Variants in FXYD7 observed in about 807,000 individuals in gnomAD.
FXYD7 encodes the protein FXYD domain containing ion transport regulator 7.
In FXYD7, 7 loss-of-function variants were observed where a neutral mutation model predicts 15.3. The ratio of observed to expected loss-of-function variants is 0.46; its 90% confidence interval spans 0.26 to 0.86. FXYD7 has a LOEUF of 0.86. Ranked by LOEUF, FXYD7 falls within the 40% of genes least tolerant of loss-of-function variation. FXYD7 has a pLI of 0.16. For synonymous variants in FXYD7, 39 were observed against 39.3 expected (o/e 0.99, Z 0.03); for missense variants, 78 against 100.6 (o/e 0.78, Z 0.96).
chr19:35,145,071 C>T (rs1197566255), intron 1 of FXYD7, among the ~76,000 whole-genome samples: 1 of 152,040 alleles, frequency 6.6e-6, no homozygotes, highest in African/African-American at 2.4e-5. Context: ...CTTAGCTTGG[C>T]CAGAAGCCAG....
chr19:35,148,792 C>T, intron 2 of FXYD7, 69 bp downstream of exon 2: 2 of 1,375,672 alleles, frequency 1.5e-6, no homozygotes, highest in Non-Finnish European at 2.1e-6. Context: ...TCACTCCGGA[C>T]ATGGCTTCAG....
chr19:35,147,437 T>C (rs1600491537), intron 1 of FXYD7, among the ~76,000 whole-genome samples: 1 of 152,262 alleles, frequency 6.6e-6, no homozygotes, highest in Non-Finnish European at 1.5e-5. Flanking sequence ...CAGGATGAAC[T>C]TGTTGAATGG....
At chr19:35,150,298 G>A (rs1014549538) in intron 2 of FXYD7, among the ~76,000 whole-genome samples, 1 of 152,244 alleles carries the variant, frequency 6.6e-6, no homozygotes, top group Middle Eastern at 3.4e-3. Flanking sequence ...TTGGGAGGCT[G>A]AGCAGGGACA....
At position 35,143,468 on chromosome 19, in the gene FXYD7, G is replaced by C. The variant is rs901831533; in HGVS notation, c.31+104G>C. ...AGCAATGGTAAGGCAAGGGAGTTGG[G>C]GGAGGGAGGTCCGCTCCTCCTGTGG... On this transcript the variant is annotated intron_variant, in intron 1 of 5. Transcript: ENST00000270310. The surrounding 1 kb of genome is among the most constrained non-coding windows in gnomAD (Gnocchi z 4.3). 26 of 903,206 alleles carry C rather than the reference G, an allele frequency of 2.9e-5. No individual in the cohort carries two copies. Among genetic ancestry groups the C allele is most frequent in the Non-Finnish European group, 3.8e-5 (24 of 636,150 alleles). 55.9% of individuals were successfully genotyped at this position (903,206 alleles called of 1,614,324 possible).
At position 35,148,027 on chromosome 19, in the gene FXYD7, GAAAGAAAGAAAGAAAGA is replaced by G. The variant is rs2065294975; in HGVS notation, c.32-664_32-648del. 1.6e-3 allele frequency among the ~76,000 whole-genome samples: 7 copies of G among 4,272 alleles called. No individual in the cohort carries two copies. The Admixed American group carries it at 0.027, about 16-fold the overall frequency. The allele number at this position is 4,272 out of a possible 152,430, so 2.8% of individuals were successfully genotyped here. ...AAGAAGGAAAGAAAGAAGAAAGAAG[GAAAGAAAGAAAGAAAGA>G]AAGAAAGAAAGAAAGAAAGAAAGAA... On this transcript the variant is annotated intron_variant, in intron 1 of 5. Coordinates refer to ENST00000270310, the MANE Select transcript of FXYD7 (RefSeq NM_022006.2).
intron 1 of FXYD7, among the ~76,000 whole-genome samples, chr19:35,147,117 C>T (rs1278202345): frequency 1.3e-5 from 2 of 152,204 alleles, no homozygotes; most frequent in African/African-American, 4.8e-5. Flanking sequence ...AACATTCAGG[C>T]CACCAGGCTA....
At chr19:35,151,149 C>T (rs1192904578) in intron 2 of FXYD7, 105 bp from the exon 3 acceptor site, 1 of 792,314 alleles carries the variant, frequency 1.3e-6, no homozygotes, top group African/African-American at 1.7e-5. Context: ...CACAGCCTCC[C>T]TGGGCGATTC....
At position 35,143,308 on chromosome 19, in the gene FXYD7, C is replaced by T; in HGVS notation, c.-26C>T. ...CAGCGCGCCTTCGCCGCCAAAGCAT[C>T]CAGCAGCCCCCTGCTCCGGCCCAGC... On this transcript the variant is annotated 5_prime_UTR_variant, in exon 1 of 6. Transcript: ENST00000270310. The surrounding 1 kb of genome is among the most constrained non-coding windows in gnomAD (Gnocchi z 4.3). The T allele has an allele frequency of 1.3e-6, 2 of 1,537,320 alleles. No individual in the cohort carries two copies. Among genetic ancestry groups the T allele is most frequent in the Non-Finnish European group, 1.8e-6 (2 of 1,141,180 alleles).
In FXYD7 at chr19:35,145,921, G is replaced by C. The variant is rs1410445625; in HGVS notation, c.31+2557G>C. Among the ~76,000 whole-genome samples, 3 of 152,006 alleles carry C rather than the reference G, an allele frequency of 2.0e-5. No homozygotes were observed. The East Asian group carries it at 5.8e-4, about 29-fold the overall frequency. On this transcript the variant is annotated intron_variant, in intron 1 of 5. Coordinates refer to ENST00000270310, the MANE Select transcript of FXYD7 (RefSeq NM_022006.2). Reference sequence around the variant, plus strand: ...GCCTCCCAAGTAGCTGGGACTACAAGGCACTTCTGCTACACCCAGCTAATT... The same window carrying C: ...GCCTCCCAAGTAGCTGGGACTACAACGCACTTCTGCTACACCCAGCTAATT...
intron 3 of FXYD7, 49 bp from the exon 4 acceptor site, chr19:35,151,391 T>G (rs748991074): frequency 4.4e-6 from 7 of 1,608,230 alleles, no homozygotes; most frequent in Non-Finnish European, 6.0e-6. Context: ...TTCATCCATA[T>G]CCTACCCGCT....
At chr19:35,152,771 G>A (rs2065316397) in intron 5 of FXYD7, among the ~76,000 whole-genome samples, 1 of 151,668 alleles carries the variant, frequency 6.6e-6, no homozygotes, top group African/African-American at 2.4e-5. Context: ...AAGGGAGAGC[G>A]AGAGGGATGC....
intron 1 of FXYD7, among the ~76,000 whole-genome samples, chr19:35,148,026 G>GGAAAGAAAGAAAGAAAGAAAGAAA (rs59209064): frequency 6.0e-4 from 53 of 88,556 alleles, no homozygotes; most frequent in Admixed American, 1.7e-3. Context: ...GAAGAAAGAA[G>GGAAAGAAAGAAAGAAAGAAAGAAA]GAAAGAAAGA....
intron 5 of FXYD7, among the ~76,000 whole-genome samples, chr19:35,151,927 T>A (rs550426683): frequency 6.7e-4 from 101 of 151,438 alleles, no homozygotes; most frequent in African/African-American, 2.4e-3. Context: ...TCACCTGAGG[T>A]CAGGAGATCG....
At chr19:35,153,418 G>A (rs981826831) in intron 5 of FXYD7, among the ~76,000 whole-genome samples, 3 of 152,148 alleles carry the variant, frequency 2.0e-5, no homozygotes, top group African/African-American at 7.2e-5. Flanking sequence ...GGATGCGTGG[G>A]GCAGCATGGG....
chr19:35,146,890 C>G (rs970983230), intron 1 of FXYD7, among the ~76,000 whole-genome samples: 36 of 152,170 alleles, frequency 2.4e-4, no homozygotes, highest in African/African-American at 8.7e-4. Context: ...CGTGGTCTTG[C>G]TTTGGGGCCA....
At chr19:35,152,133 T>A (rs1308525883) in intron 5 of FXYD7, among the ~76,000 whole-genome samples, 1 of 16,054 alleles carries the variant, frequency 6.2e-5, no homozygotes, top group Non-Finnish European at 9.7e-5. Flanking sequence ...AGTGAGACTG[T>A]CAAAAAAAAA....
At chr19:35,147,671 G>A (rs183564868) in intron 1 of FXYD7, among the ~76,000 whole-genome samples, 1 of 152,202 alleles carries the variant, frequency 6.6e-6, no homozygotes, top group Non-Finnish European at 1.5e-5. Context: ...ACTCAATTTT[G>A]AATCTTAAAC....
chr19:35,153,942 C>G lies in FXYD7; in HGVS notation c.*26C>G, dbSNP rs1423832644. The G allele has an allele frequency of 1.2e-6, 2 of 1,609,252 alleles. No individual in the cohort carries two copies. The highest frequency in any genetic ancestry group is 2.2e-5 in the East Asian group (1 of 44,704). On this transcript the variant is annotated 3_prime_UTR_variant, in exon 6 of 6. Coordinates refer to ENST00000270310, the MANE Select transcript of FXYD7 (RefSeq NM_022006.2). ...CACCTTCCCGAGGAAACTCCGCTGC[C>G]GACCCTGCCTGAGCGCGGGAGCCTG...
At position 35,154,047 on chromosome 19, in the gene FXYD7, C is replaced by A; in HGVS notation, c.*131C>A. 1 of 769,586 alleles carries A rather than the reference C, an allele frequency of 1.3e-6. No individual in the cohort carries two copies. Among genetic ancestry groups the A allele is most frequent in the Non-Finnish European group, 2.2e-6 (1 of 463,236 alleles). The allele number at this position is 769,586 out of a possible 1,614,324, so 47.7% of individuals were successfully genotyped here. A position where few individuals can be genotyped will look rare whatever the true frequency, so the allele number is the denominator to read the frequency against. On this transcript the variant is annotated 3_prime_UTR_variant, in exon 6 of 6. Coordinates refer to ENST00000270310, the MANE Select transcript of FXYD7 (RefSeq NM_022006.2). The stretch of plus-strand genomic sequence containing the variant: ...ATGAGCCGCCCCACCCACCCCAAGG[C>A]TGGAGCCGCTGCACCCTGCTGTCCC...
Sources: gnomAD v4.1 joint callset for allele counts (sites outside exome capture counted in the v4.1 genomes callset) on GRCh38, gnomAD v4.1.1 for gene constraint, Gnocchi (gnomAD v3.1) non-coding constraint, MANE v1.5 for transcripts, NCBI Gene and HGNC (gene_info 2026-07-23, HGNC 2026-07-21) for gene names.